The following CRMP1 variants were observed in gnomAD, a reference collection of about 807,000 sequenced individuals.
CRMP1 encodes dihydropyrimidinase-related protein 1.
Under a neutral mutation model 68.3 loss-of-function variants are expected in CRMP1, and 19 were observed. The ratio of observed to expected loss-of-function variants is 0.28; its 90% CI spans 0.19 to 0.41. The LOEUF (loss-of-function observed/expected upper bound fraction) is 0.41, where lower values mean the gene tolerates loss of function less well. Among genes scored for constraint, CRMP1 ranks in the 10% least tolerant of loss-of-function variants. CRMP1 has a pLI of 1.00. For synonymous variants in CRMP1, 439 were observed against 399.6 expected (o/e 1.10, Z -1.18); for missense variants, 791 against 967.4 (o/e 0.82, Z 2.42).
chr4:5,884,482 G>GCACACACACACACACACA lies in CRMP1; in HGVS notation c.381+8106_381+8107insTGTGTGTGTGTGTGTGTG, dbSNP rs59746322. 7.0e-3 allele frequency among the ~76,000 whole-genome samples: 1,057 copies of GCACACACACACACACACA among 150,196 alleles called. 12 individuals carry two copies. The highest frequency in any genetic ancestry group is 0.024 in the African/African-American group (981 of 40,930). On this transcript the variant is annotated intron_variant, in intron 1 of 13. Coordinates refer to ENST00000324989, the MANE Select transcript of CRMP1 (RefSeq NM_001014809.3). ...GGCACTCACACACACAACTATGCAT[G>GCACACACACACACACACA]CACACACACACACGGGCAGTGGTTT...
chr4:5,821,879 A>C lies in CRMP1; in HGVS notation c.1970-28T>G, dbSNP rs1718632902. 3.9e-6 allele frequency: 6 copies of C among 1,530,276 alleles called. No individual in the cohort carries two copies. Among genetic ancestry groups the C allele is most frequent in the African/African-American group, 1.7e-5 (1 of 57,144 alleles). 94.8% of individuals were successfully genotyped at this position (1,530,276 alleles called of 1,614,324 possible). The stretch of plus-strand genomic sequence containing the variant: ...GAAAGAGAGCGCCAATCGCTGCTGG[A>C]TGGGATCTGTTAGCATCAGTTCCAC... On this transcript the variant is annotated intron_variant, in intron 13 of 13. Transcript: ENST00000324989. The surrounding 1 kb of genome is among the most constrained non-coding windows in gnomAD (Gnocchi z 4.4).
At chr4:5,846,757 ATTTTTTTTTTTTTTTTT>A (rs71171490) in intron 6 of CRMP1, among the ~76,000 whole-genome samples, 7 of 53,710 alleles carry the variant, frequency 1.3e-4, no homozygotes, top group Non-Finnish European at 1.6e-4. Context: ...TGCCCGGCTA[ATTTTTTTTTTTTTTTTT>A]TTTTTTTTTT....
In CRMP1 at chr4:5,834,411, TC is replaced by T. The variant is rs1169830865; in HGVS notation, c.1623+1503del. 1.3e-5 allele frequency among the ~76,000 whole-genome samples: 2 copies of T among 152,210 alleles called. No individual in the cohort carries two copies. The highest frequency in any genetic ancestry group is 3.8e-4 in the East Asian group (2 of 5,198). On this transcript the variant is annotated intron_variant, in intron 11 of 13. Coordinates refer to ENST00000324989, the MANE Select transcript of CRMP1 (RefSeq NM_001014809.3). This position sits in a 1 kb window ranked among gnomAD's most constrained non-coding sequence, Gnocchi z 4.3. ...GCTTGTTATAAAAGCAAATTCAGCG[TC>T]CTCTTGATACTTCTTTCACACTTGT... is the stretch of plus-strand genomic sequence containing the variant.
chr4:5,892,783 T>C lies in CRMP1; in HGVS notation c.187A>G (p.Thr63Ala). 1 of 1,301,190 alleles carries C rather than the reference T, an allele frequency of 7.7e-7. No homozygotes were observed. Among genetic ancestry groups the C allele is most frequent in the South Asian group, 2.1e-5 (1 of 47,912 alleles). The allele number at this position is 1,301,190 out of a possible 1,614,324, so 80.6% of individuals were successfully genotyped here. A position where few individuals can be genotyped will look rare whatever the true frequency, so the allele number is the denominator to read the frequency against. Residue 63 changes from threonine to alanine, a missense_variant, in exon 1 of 14, where the codon ACG becomes GCG. Thr to Ala is a moderately conservative substitution (Grantham distance 58, BLOSUM62 0). Coordinates refer to ENST00000324989, the MANE Select transcript of CRMP1 (RefSeq NM_001014809.3). This position sits in a 1 kb window ranked among gnomAD's most constrained non-coding sequence, Gnocchi z 8.6. ...TCGGGCCGGCCAGCGCTGCGCGGCGTGCGCGCCGAGCCGCGGCGGCCCACA... is the reference window on the plus strand; with the variant it reads ...TCGGGCCGGCCAGCGCTGCGCGGCGCGCGCGCCGAGCCGCGGCGGCCCACA... ...YSVGRRGSAR[T>A]PRSAGRPDAV...
chr4:5,821,724 A>T lies in CRMP1; in HGVS notation c.*36T>A. ...AGGAAAAGGGATGGACATGATTCCC[A>T]GAATCCTTCAGGCTAGCTCCTCCGC... is the stretch of plus-strand genomic sequence containing the variant. On this transcript the variant is annotated 3_prime_UTR_variant, in exon 14 of 14. Transcript: ENST00000324989. This position sits in a 1 kb window ranked among gnomAD's most constrained non-coding sequence, Gnocchi z 4.4. 1 of 1,554,630 alleles carries T rather than the reference A, an allele frequency of 6.4e-7. No homozygotes were observed. Among genetic ancestry groups the T allele is most frequent in the Non-Finnish European group, 8.8e-7 (1 of 1,140,214 alleles).
At chr4:5,835,088 G>A (rs556484614) in intron 11 of CRMP1, among the ~76,000 whole-genome samples, 1 of 152,158 alleles carries the variant, frequency 6.6e-6, no homozygotes, top group African/African-American at 2.4e-5. Context: ...TCCAGTATGT[G>A]AGCCCATACT....
In CRMP1 at chr4:5,870,449, C is replaced by A. The variant is rs1714360306; in HGVS notation, c.382-3693G>T. ...ATGACACAGGCGTTGGTGGGGACGGCACTGCCTGGAGTTTGCACAGCACTT... is the reference window on the plus strand; with the variant it reads ...ATGACACAGGCGTTGGTGGGGACGGAACTGCCTGGAGTTTGCACAGCACTT... On this transcript the variant is annotated intron_variant, in intron 1 of 13. Transcript: ENST00000324989. The surrounding 1 kb of genome is among the most constrained non-coding windows in gnomAD (Gnocchi z 6.0). Among the ~76,000 whole-genome samples, 1 of 152,246 alleles carries A rather than the reference C, an allele frequency of 6.6e-6. No individual in the cohort carries two copies. Among genetic ancestry groups the A allele is most frequent in the African/African-American group, 2.4e-5 (1 of 41,470 alleles).
In CRMP1 at chr4:5,865,256, AG is replaced by A. The variant is rs932022864; in HGVS notation, c.470+1411del. On this transcript the variant is annotated intron_variant, in intron 2 of 13. Coordinates refer to ENST00000324989, the MANE Select transcript of CRMP1 (RefSeq NM_001014809.3). This position sits in a 1 kb window ranked among gnomAD's most constrained non-coding sequence, Gnocchi z 4.1. ...CTTCTCTTCCAGATTTCAAGGGAAG[AG>A]GCTGAGCACCCAGCAAATCCAGGTT... Among the ~76,000 whole-genome samples the A allele has an allele frequency of 1.3e-5, 2 of 152,078 alleles. No homozygotes were observed.
In CRMP1 at chr4:5,889,691, C is replaced by T. The variant is rs2152477705; in HGVS notation, c.381+2898G>A. 6.5e-7 allele frequency: 1 copy of T among 1,536,114 alleles called. No individual in the cohort carries two copies. The highest frequency in any genetic ancestry group is 2.0e-5 in the Admixed American group (1 of 51,012). On this transcript the variant is annotated intron_variant, in intron 1 of 13. Transcript: ENST00000324989. The surrounding 1 kb of genome is among the most constrained non-coding windows in gnomAD (Gnocchi z 4.5). ...CAACCCCACAGGTCCTATGAAACTA[C>T]TCATCTTTTCTGCTTTCAAGTTGCC...
rs866896444 is a variant in CRMP1, at chr4:5,888,238, G to T, written c.381+4351C>A. The T allele has an allele frequency of 3.1e-6, 4 of 1,285,764 alleles. No individual in the cohort carries two copies. Among genetic ancestry groups the T allele is most frequent in the South Asian group, 3.1e-5 (1 of 31,922 alleles). The allele number at this position is 1,285,764 out of a possible 1,614,324, so 79.6% of individuals were successfully genotyped here. On this transcript the variant is annotated intron_variant, in intron 1 of 13. Coordinates refer to ENST00000324989, the MANE Select transcript of CRMP1 (RefSeq NM_001014809.3). This position sits in a 1 kb window ranked among gnomAD's most constrained non-coding sequence, Gnocchi z 6.4. ...GCGGGGGCCGCTTACCGTGATGTGCGGGATGCTCTTCTTGCCCTGGTACGA... is the reference window on the plus strand; with the variant it reads ...GCGGGGGCCGCTTACCGTGATGTGCTGGATGCTCTTCTTGCCCTGGTACGA...
chr4:5,835,514 C>T (rs1342710830), intron 11 of CRMP1, among the ~76,000 whole-genome samples: 2 of 152,182 alleles, frequency 1.3e-5, no homozygotes, highest in Admixed American at 1.3e-4. Flanking sequence ...GCCACAAAAC[C>T]GAGTGGGAGG....
chr4:5,846,102 C>A (rs1712177299), intron 6 of CRMP1, among the ~76,000 whole-genome samples: 1 of 152,082 alleles, frequency 6.6e-6, no homozygotes, highest in South Asian at 2.1e-4. Flanking sequence ...TCAAGACCAG[C>A]CTGGCCAACA....
In CRMP1 at chr4:5,837,418, A is replaced by T. The variant is rs368048565; in HGVS notation, c.1311-512T>A. On this transcript the variant is annotated intron_variant, in intron 9 of 13. Transcript: ENST00000324989. ...GCTGTGGATCACCTGAAGTCAGGAG[A>T]TCGGGACCAGCCTGACCAACATGGC... Among the ~76,000 whole-genome samples the T allele has an allele frequency of 3.8e-3, 579 of 150,410 alleles. 3 individuals carry two copies. The highest frequency in any genetic ancestry group is 0.014 in the African/African-American group (558 of 40,814).
intron 6 of CRMP1, among the ~76,000 whole-genome samples, chr4:5,845,019 T>C (rs193039812): frequency 7.2e-5 from 11 of 152,296 alleles, no homozygotes; most frequent in African/African-American, 2.6e-4. Context: ...TACACACCGA[T>C]GAAATAGAAA....
Position 5,849,463 on chromosome 4 carries a change from C to T in CRMP1, c.892G>A (p.Ala298Thr). 1 of 1,611,574 alleles carries T rather than the reference C, an allele frequency of 6.2e-7. No homozygotes were observed. Among genetic ancestry groups the T allele is most frequent in the Non-Finnish European group, 8.5e-7 (1 of 1,178,446 alleles). Residue 298 changes from alanine (A) to threonine (T), a missense_variant, in exon 6 of 14, where the codon GCC becomes ACC. Transcript: ENST00000324989. Reference protein sequence around the residue: ...YQMSDSQLYEAFTFLKGLGAV... With the variant: ...YQMSDSQLYETFTFLKGLGAV... Reference sequence around the variant, plus strand: ...CCCAGGCCCTTAAGGAAGGTAAAGGCTTCATAGAGCTATGGAGAGATAAAC... The same window carrying T: ...CCCAGGCCCTTAAGGAAGGTAAAGGTTTCATAGAGCTATGGAGAGATAAAC...
intron 4 of CRMP1, among the ~76,000 whole-genome samples, chr4:5,852,620 A>T (rs770308833): frequency 6.6e-6 from 1 of 152,238 alleles, no homozygotes; most frequent in Non-Finnish European, 1.5e-5. Flanking sequence ...ATCTTTCATG[A>T]AATCAATCAG....
intron 12 of CRMP1, among the ~76,000 whole-genome samples, chr4:5,827,147 T>C (rs1577732584): frequency 1.3e-5 from 2 of 152,344 alleles, no homozygotes; most frequent in South Asian, 4.1e-4. Context: ...TGCAAATTGC[T>C]GTCTTGGCAT....
At position 5,872,907 on chromosome 4, in the gene CRMP1, CTTA is replaced by C. The variant is rs539472989; in HGVS notation, c.382-6154_382-6152del. On this transcript the variant is annotated intron_variant, in intron 1 of 13. Coordinates refer to ENST00000324989, the MANE Select transcript of CRMP1 (RefSeq NM_001014809.3). The surrounding 1 kb of genome is among the most constrained non-coding windows in gnomAD (Gnocchi z 4.6). ...GAGGTGGGCTTGGATCCTGACTTCACTTATTATCCATGTGACTTACCGAGCCTC... is the reference window on the plus strand; with the variant it reads ...GAGGTGGGCTTGGATCCTGACTTCACTTATCCATGTGACTTACCGAGCCTC... Among the ~76,000 whole-genome samples, 4 of 152,164 alleles carry C rather than the reference CTTA, an allele frequency of 2.6e-5. No individual in the cohort carries two copies. The South Asian group carries it at 6.2e-4, about 24-fold the overall frequency.
At position 5,881,223 on chromosome 4, in the gene CRMP1, G is replaced by C. The variant is rs1715200045; in HGVS notation, c.381+11366C>G. On this transcript the variant is annotated intron_variant, in intron 1 of 13. Transcript: ENST00000324989. The surrounding 1 kb of genome is among the most constrained non-coding windows in gnomAD (Gnocchi z 4.6). Reference sequence around the variant, plus strand: ...TTCTTCCTTTTAGCTGCTTGCTCTTGTTTTCTAGACAACTTCTCTATGAAG... The same window carrying C: ...TTCTTCCTTTTAGCTGCTTGCTCTTCTTTTCTAGACAACTTCTCTATGAAG... 1.3e-5 allele frequency among the ~76,000 whole-genome samples: 2 copies of C among 152,124 alleles called. No homozygotes were observed. Among genetic ancestry groups the C allele is most frequent in the South Asian group, 4.1e-4 (2 of 4,826 alleles).
Sources: allele counts gnomAD v4.1 joint callset (sites outside exome capture counted in the v4.1 genomes callset), GRCh38; gene constraint gnomAD v4.1.1; non-coding constraint Gnocchi (gnomAD v3.1); transcripts MANE v1.5; gene names NCBI Gene and HGNC (gene_info 2026-07-23, HGNC 2026-07-21).